IL17RA: variants seen among roughly 807,000 people sequenced by gnomAD.
IL17RA encodes the protein interleukin 17 receptor A.
Under a neutral mutation model 50.4 loss-of-function variants are expected in IL17RA, and 34 were observed. The ratio of observed to expected loss-of-function variants is 0.67; its 90% CI spans 0.51 to 0.90. IL17RA has a LOEUF of 0.90. Among genes scored for constraint, IL17RA ranks in the 40% least tolerant of loss-of-function variants. IL17RA has a pLI of 0.00. For synonymous variants in IL17RA, 585 were observed against 510.4 expected, an observed-to-expected ratio of 1.15 and a Z score of -1.97; for missense variants, 1,276 against 1,169.8, an observed-to-expected ratio of 1.09 and a Z score of -1.32.
rs1250936182 is a variant in IL17RA at position 17,115,282 on chromosome 22, C to G, written c.*5462C>G. 1 of 152,220 alleles carries G rather than the reference C, an allele frequency of 6.6e-6. No homozygotes were observed. The highest frequency in any genetic ancestry group is 1.5e-5 in the Non-Finnish European group (1 of 68,050). 9.4% of individuals were successfully genotyped at this position (152,220 alleles called of 1,614,324 possible). ...AATTATTTTCTATGTAAATTTTGTT[C>G]CTTGTTACAATTATATATGTCTTAG... On this transcript the variant is annotated 3_prime_UTR_variant, in exon 13 of 13. Coordinates refer to ENST00000319363, the MANE Select transcript of IL17RA (RefSeq NM_014339.7).
rs1433506718 is a variant in IL17RA, at chr22:17,110,532, T to C, written c.*712T>C. The C allele has an allele frequency of 6.7e-6, 1 of 148,736 alleles. No homozygotes were observed. Among genetic ancestry groups the C allele is most frequent in the Admixed American group, 6.7e-5 (1 of 14,966 alleles). The allele number at this position is 148,736 out of a possible 1,614,324, so 9.2% of individuals were successfully genotyped here. ...AAAAAAAAAAGATGGTCACGCGGGA[T>C]GTAAACGCTGAATGGGCCAGGTGCA... On this transcript the variant is annotated 3_prime_UTR_variant, in exon 13 of 13. Coordinates refer to ENST00000319363, the MANE Select transcript of IL17RA (RefSeq NM_014339.7).
intron 7 of IL17RA, among the ~76,000 whole-genome samples, chr22:17,102,538 C>A (rs568150189): frequency 2.0e-5 from 3 of 152,128 alleles, no homozygotes; most frequent in African/African-American, 7.2e-5. Flanking sequence ...TTCTTTCCTC[C>A]CCCACACGCC....
intron 5 of IL17RA, among the ~76,000 whole-genome samples, chr22:17,101,448 G>T (rs909714011): frequency 1.3e-5 from 2 of 152,184 alleles, no homozygotes; most frequent in African/African-American, 4.8e-5. Context: ...CTGTGTGTTT[G>T]CTTTTATTGG....
At chr22:17,098,193 G>GA (rs1391044287) in intron 3 of IL17RA, among the ~76,000 whole-genome samples, 1 of 152,060 alleles carries the variant, frequency 6.6e-6, no homozygotes, top group Non-Finnish European at 1.5e-5. Context: ...TTAGCACCCT[G>GA]AGGGGAAAAA....
intron 1 of IL17RA, among the ~76,000 whole-genome samples, chr22:17,094,691 C>CTA (rs1188416715): frequency 0.012 from 286 of 24,692 alleles, 29 homozygotes; most frequent in Non-Finnish European, 0.017. Context: ...CTCTCTCTCT[C>CTA]TATATATATA....
At chr22:17,094,707 A>ATATATATATATATATC (rs2061362690) in intron 1 of IL17RA, among the ~76,000 whole-genome samples, 1 of 73,044 alleles carries the variant, frequency 1.4e-5, no homozygotes, top group Non-Finnish European at 2.6e-5. Context: ...ATATATATAT[A>ATATATATATATATATC]TATATATATA....
At chr22:17,086,098 C>T (rs1298331108) in intron 1 of IL17RA, among the ~76,000 whole-genome samples, 1 of 152,126 alleles carries the variant, frequency 6.6e-6, no homozygotes, top group Admixed American at 6.5e-5. Flanking sequence ...CACCCGCCTG[C>T]CGGGTAGTGG....
intron 1 of IL17RA, among the ~76,000 whole-genome samples, chr22:17,089,048 G>A (rs545779165): frequency 6.6e-6 from 1 of 152,022 alleles, no homozygotes; most frequent in East Asian, 1.9e-4. Context: ...TACCTGCCTC[G>A]GCCTCCCAAA....
At chr22:17,100,590 G>A in intron 5 of IL17RA, 109 bp downstream of exon 5, 2 of 1,398,090 alleles carry the variant, frequency 1.4e-6, no homozygotes, top group Non-Finnish European at 1.0e-6. Context: ...GGCTGGCATT[G>A]CCAGCACCTG....
chr22:17,109,709 C>A lies in IL17RA; in HGVS notation c.2490C>A (p.Pro830=). 6.3e-7 allele frequency: 1 copy of A among 1,589,432 alleles called. No homozygotes were observed. Among genetic ancestry groups the A allele is most frequent in the South Asian group, 1.1e-5 (1 of 87,806 alleles). The part of the protein sequence containing the change: ...DPGKPALPLS[P]EDLESLRSLQ... ...GGAAGCCGGCCCTGCCACTCTCTCCCGAGGACCTGGAGAGCCTGAGGAGCC... is the reference window on the plus strand; with the variant it reads ...GGAAGCCGGCCCTGCCACTCTCTCCAGAGGACCTGGAGAGCCTGAGGAGCC... Residue 830 remains proline (P), a synonymous_variant, in exon 13 of 13, where the codon CCC becomes CCA. Transcript: ENST00000319363.
rs1194178154 is a variant in IL17RA, at chr22:17,111,976, A to C, written c.*2156A>C. 1 of 152,216 alleles carries C rather than the reference A, an allele frequency of 6.6e-6. No homozygotes were observed. Among genetic ancestry groups the C allele is most frequent in the Non-Finnish European group, 1.5e-5 (1 of 68,058 alleles). The allele number at this position is 152,216 out of a possible 1,614,324, so 9.4% of individuals were successfully genotyped here. On this transcript the variant is annotated 3_prime_UTR_variant, in exon 13 of 13. Coordinates refer to ENST00000319363, the MANE Select transcript of IL17RA (RefSeq NM_014339.7). Reference sequence around the variant, plus strand: ...AGCAAAGGACCAGGCAAAGGAGAACAGGAGCAGAAGCCTCCCAGCCACTAG... The same window carrying C: ...AGCAAAGGACCAGGCAAAGGAGAACCGGAGCAGAAGCCTCCCAGCCACTAG...
intron 11 of IL17RA, among the ~76,000 whole-genome samples, chr22:17,106,865 C>T (rs1392639674): frequency 6.6e-6 from 1 of 152,166 alleles, no homozygotes; most frequent in African/African-American, 2.4e-5. Flanking sequence ...TGGGCGGCGG[C>T]GGCGCTTTTG....
chr22:17,095,889 GTGCAGA>G (rs1231012975), intron 1 of IL17RA, among the ~76,000 whole-genome samples: 2 of 152,156 alleles, frequency 1.3e-5, no homozygotes, highest in Non-Finnish European at 2.9e-5. Context: ...TCCTAGGTGC[GTGCAGA>G]TGTCATCCTG....
rs935511999 is a variant in IL17RA, at chr22:17,109,865, AGT to A, written c.*53_*54del. 69 of 1,507,952 alleles carry A rather than the reference AGT, an allele frequency of 4.6e-5. No homozygotes were observed. Among genetic ancestry groups the A allele is most frequent in the Admixed American group, 1.8e-4 (9 of 50,804 alleles). 93.4% of individuals were successfully genotyped at this position (1,507,952 alleles called of 1,614,324 possible). A position where few individuals can be genotyped will look rare whatever the true frequency, so the allele number is the denominator to read the frequency against. ...GCCCAGATCCCAGCTTTGAGAGAGG[AGT>A]GTGTGTGCACGTATTCATCTGTGTG... is the stretch of plus-strand genomic sequence containing the variant. On this transcript the variant is annotated 3_prime_UTR_variant, in exon 13 of 13. Transcript: ENST00000319363.
chr22:17,105,718 GGT>G (rs1491508931), intron 10 of IL17RA, 116 bp downstream of exon 10: 71 of 1,351,184 alleles, frequency 5.3e-5, no homozygotes, highest in Middle Eastern at 2.1e-4. Context: ...GCCAGCCCGG[GGT>G]GGGGGGTGAG....
chr22:17,103,550 T>G lies in IL17RA; in HGVS notation c.819T>G (p.Leu273=), dbSNP rs2061399447. ...RSNVTLTLRN[L]KGCCRHQVQI... is the part of the protein sequence containing the mutation. Reference sequence around the variant, plus strand: ...ACGTCACACTCACTCTACGCAACCTTAAAGGGTGCTGTCGCCACCAAGTGC... The same window carrying G: ...ACGTCACACTCACTCTACGCAACCTGAAAGGGTGCTGTCGCCACCAAGTGC... The change falls in exon 8 of 13, where the codon CTT becomes CTG. Residue 273 remains leucine, a synonymous_variant. Coordinates refer to ENST00000319363, the MANE Select transcript of IL17RA (RefSeq NM_014339.7). 22 of 1,613,338 alleles carry G rather than the reference T, an allele frequency of 1.4e-5. No individual in the cohort carries two copies. Among genetic ancestry groups the G allele is most frequent in the Non-Finnish European group, 1.9e-5 (22 of 1,179,754 alleles).
chr22:17,108,235 C>G (rs1324907640), intron 12 of IL17RA, 72 bp from the exon 13 acceptor site: 1 of 1,509,712 alleles, frequency 6.6e-7, no homozygotes, highest in East Asian at 2.3e-5. Flanking sequence ...CCAGGCCCCT[C>G]CTGGGCTGGC....
intron 1 of IL17RA, among the ~76,000 whole-genome samples, chr22:17,095,072 A>G (rs2061364066): frequency 1.3e-5 from 2 of 151,862 alleles, no homozygotes; most frequent in African/African-American, 2.4e-5. Flanking sequence ...TTATACAAAA[A>G]GAAAAACTAT....
Position 17,085,141 on chromosome 22 carries a change from G to C in IL17RA, c.50G>C (p.Gly17Ala), listed in dbSNP as rs1568914031. 6.6e-7 allele frequency: 1 copy of C among 1,504,822 alleles called. No homozygotes were observed. The highest frequency in any genetic ancestry group is 1.4e-5 in the African/African-American group (1 of 69,512). The allele number at this position is 1,504,822 out of a possible 1,614,324, so 93.2% of individuals were successfully genotyped here. A position where few individuals can be genotyped will look rare whatever the true frequency, so the allele number is the denominator to read the frequency against. The change falls in exon 1 of 13, where the codon GGG becomes GCG. Residue 17 changes from glycine (G) to alanine (A), a missense_variant. By Grantham distance (60) the Gly-to-Ala change is moderately conservative. Coordinates refer to ENST00000319363, the MANE Select transcript of IL17RA (RefSeq NM_014339.7). ...TCCGCTGTCCCGGGGCCCCTGCTGGGGCTGCTCCTGCTGCTCCTGGGCGTG... is the reference window on the plus strand; with the variant it reads ...TCCGCTGTCCCGGGGCCCCTGCTGGCGCTGCTCCTGCTGCTCCTGGGCGTG... ...PPSAVPGPLLGLLLLLLGVLA... is the reference protein window; with the variant it reads ...PPSAVPGPLLALLLLLLGVLA...
Sources: allele counts gnomAD v4.1 joint callset (sites outside exome capture counted in the v4.1 genomes callset), GRCh38; gene constraint gnomAD v4.1.1; transcripts MANE v1.5; gene names NCBI Gene and HGNC (gene_info 2026-07-23, HGNC 2026-07-21).